Variants in DAAM1 observed in about 807,000 individuals in gnomAD.
DAAM1 encodes dishevelled associated activator of morphogenesis 1, also known as disheveled-associated activator of morphogenesis 1.
A neutral mutation model predicts 130.0 loss-of-function variants in DAAM1; 52 were observed. The observed-to-expected ratio is 0.40, with a 90% CI of 0.32 to 0.50. The LOEUF (loss-of-function observed/expected upper bound fraction) is 0.50, where lower values mean the gene tolerates loss of function less well. Ranked by LOEUF, DAAM1 falls within the 20% of genes least tolerant of loss-of-function variation. The pLI is 0.61. For missense variants in DAAM1, 1,134 were observed against 1,303.8 expected (o/e 0.87, Z 2.01); for synonymous variants, 452 against 444.5 (o/e 1.02, Z -0.21).
chr14:59,204,755 G>A (rs1358855376), intron 1 of DAAM1, among the ~76,000 whole-genome samples: 2 of 152,222 alleles, frequency 1.3e-5, no homozygotes, highest in African/African-American at 4.8e-5. Context: ...GAATGGGGCT[G>A]GTGCAATGGC....
rs1459487100 is a variant in DAAM1, at chr14:59,363,929, A to G, written c.2826+147A>G. 4.2e-6 allele frequency: 5 copies of G among 1,198,222 alleles called. No individual in the cohort carries two copies. In the African/African-American group the frequency reaches 7.6e-5, roughly 18 times the overall value. The allele number at this position is 1,198,222 out of a possible 1,614,324, so 74.2% of individuals were successfully genotyped here. A position where few individuals can be genotyped will look rare whatever the true frequency, so the allele number is the denominator to read the frequency against. ...ATAAAGTAGTAGATAATTACTTTCC[A>G]GATTCCATTGTTTTGCATGACATAG... is the stretch of plus-strand genomic sequence containing the variant. On this transcript the variant is annotated intron_variant, in intron 23 of 24. Coordinates refer to ENST00000360909, the MANE Select transcript of DAAM1 (RefSeq NM_001270520.2).
At chr14:59,275,591 T>C (rs1358501208) in intron 2 of DAAM1, among the ~76,000 whole-genome samples, 1 of 152,358 alleles carries the variant, frequency 6.6e-6, no homozygotes, top group Non-Finnish European at 1.5e-5. Flanking sequence ...TGATGCAGAC[T>C]ATTAAAACTT....
At chr14:59,302,192 G>C (rs1207715782) in intron 3 of DAAM1, among the ~76,000 whole-genome samples, 33 of 152,172 alleles carry the variant, frequency 2.2e-4, no homozygotes, top group Admixed American at 2.2e-3. Flanking sequence ...ACCCAAACTT[G>C]CATTTCTTTA....
At chr14:59,365,424 G>A (rs1886877537) in intron 23 of DAAM1, among the ~76,000 whole-genome samples, 1 of 152,052 alleles carries the variant, frequency 6.6e-6, no homozygotes, top group Admixed American at 6.6e-5. Context: ...ACTATATATG[G>A]CGTCTGAAGA....
At position 59,349,490 on chromosome 14, in the gene DAAM1, C is replaced by T. The variant is rs185669699; in HGVS notation, c.2160+1867C>T. 2.6e-5 allele frequency among the ~76,000 whole-genome samples: 4 copies of T among 152,358 alleles called. No homozygotes were observed. In the East Asian group the frequency reaches 5.8e-4, roughly 22 times the overall value. ...TGTGTGTGTCTTGCTCTCTGGTCAT[C>T]TCCCACGCTCTTTCTTTTCCTCCCC... On this transcript the variant is annotated intron_variant, in intron 17 of 24. Coordinates refer to ENST00000360909, the MANE Select transcript of DAAM1 (RefSeq NM_001270520.2).
At chr14:59,227,214 G>GC (rs5809021) in intron 1 of DAAM1, among the ~76,000 whole-genome samples, 94,242 of 152,006 alleles carry the variant, frequency 0.62, 30,101 homozygotes, top group Non-Finnish European at 0.7. Context: ...AAAGTGACTT[G>GC]TGTACAGAAA....
chr14:59,255,690 C>T (rs1028929095), intron 1 of DAAM1, among the ~76,000 whole-genome samples: 7 of 152,128 alleles, frequency 4.6e-5, no homozygotes, highest in African/African-American at 1.7e-4. Context: ...GCTCTTATTG[C>T]ATAACTCTGT....
At chr14:59,264,105 TCCTG>T (rs1882319501) in intron 2 of DAAM1, 4 of 200,936 alleles carry the variant, frequency 2.0e-5, no homozygotes, top group Non-Finnish European at 4.1e-5. Context: ...ATACTTTCCA[TCCTG>T]TCATTGATCC....
chr14:59,225,149 TC>T (rs1240200499), intron 1 of DAAM1, among the ~76,000 whole-genome samples: 2 of 146,378 alleles, frequency 1.4e-5, no homozygotes, highest in African/African-American at 5.0e-5. Context: ...TGCCTCAGCC[TC>T]CCGAGTAGCT....
chr14:59,269,161 A>G (rs1404945697), intron 2 of DAAM1, among the ~76,000 whole-genome samples: 2 of 152,240 alleles, frequency 1.3e-5, no homozygotes, highest in African/African-American at 2.4e-5. Flanking sequence ...GGTCTAGCAG[A>G]AAAGACAGGC....
intron 20 of DAAM1, among the ~76,000 whole-genome samples, chr14:59,355,824 C>T (rs766710197): frequency 2.6e-5 from 4 of 152,068 alleles, no homozygotes; most frequent in African/African-American, 4.8e-5. Flanking sequence ...AGAAAAAAAC[C>T]GATAGTTGGT....
chr14:59,352,663 T>G (rs1886331979), intron 18 of DAAM1, 31 bp downstream of exon 18: 1 of 1,566,532 alleles, frequency 6.4e-7, no homozygotes, highest in Non-Finnish European at 8.8e-7. Flanking sequence ...AATGTGAAGA[T>G]GTCACTTCCC....
intron 11 of DAAM1, 87 bp downstream of exon 11, chr14:59,326,735 G>C: frequency 6.4e-7 from 1 of 1,563,980 alleles, no homozygotes; most frequent in Non-Finnish European, 8.7e-7. Flanking sequence ...ACAGCTGGGA[G>C]AGCTGAAATG....
Position 59,331,293 on chromosome 14 carries a change from C to T in DAAM1, c.1645C>T (p.Leu549Phe), listed in dbSNP as rs1416356732. ...TCCTTCCTCTGTGCCTGGATCTCTC[C>T]TTCCTCCCCCACCACCCCCACCTCT... ...PFPSSVPGSL[L>F]PPPPPPPLPG... The change falls in exon 14 of 25, where the codon CTT becomes TTT. Residue 549 changes from leucine (L) to phenylalanine (F), a missense_variant. By Grantham distance (22) the Leu-to-Phe change is conservative. Around this residue, in one of 3 missense-constraint regions of DAAM1, gnomAD observed 644 missense variants for 695.9 expected, o/e 0.93. Transcript: ENST00000360909. The T allele has an allele frequency of 1.9e-6, 3 of 1,612,560 alleles. No homozygotes were observed. Among genetic ancestry groups the T allele is most frequent in the Non-Finnish European group, 2.5e-6 (3 of 1,179,972 alleles).
At chr14:59,284,486 A>C (rs1883357734) in intron 2 of DAAM1, among the ~76,000 whole-genome samples, 1 of 152,166 alleles carries the variant, frequency 6.6e-6, no homozygotes, top group East Asian at 1.9e-4. Flanking sequence ...GAAATGGCTA[A>C]AATGTCAGAT....
At chr14:59,364,945 T>C (rs1473266967) in intron 23 of DAAM1, among the ~76,000 whole-genome samples, 1 of 152,224 alleles carries the variant, frequency 6.6e-6, no homozygotes, top group Admixed American at 6.5e-5. Flanking sequence ...GTTTTATGTA[T>C]GCCTCACCAC....
At chr14:59,259,728 C>T (rs542685970) in intron 1 of DAAM1, among the ~76,000 whole-genome samples, 3 of 152,338 alleles carry the variant, frequency 2.0e-5, no homozygotes, top group African/African-American at 7.2e-5. Context: ...AGCGCTGCTG[C>T]TGCCTACCTG....
At chr14:59,367,326 C>T in intron 23 of DAAM1, 103 bp from the exon 24 acceptor site, 1 of 1,473,194 alleles carries the variant, frequency 6.8e-7, no homozygotes. Flanking sequence ...GCAAACAAAA[C>T]TTACGTTTGA....
chr14:59,218,236 C>T (rs531355308), intron 1 of DAAM1, among the ~76,000 whole-genome samples: 6 of 152,316 alleles, frequency 3.9e-5, no homozygotes, highest in African/African-American at 1.4e-4. Flanking sequence ...GTAGATGGTG[C>T]AGGGATAAAA....
Sources: gnomAD v4.1 joint callset for allele counts (sites outside exome capture counted in the v4.1 genomes callset) on GRCh38, gnomAD v4.1.1 for gene constraint, gnomAD v4.1.1 regional missense constraint, MANE v1.5 for transcripts, NCBI Gene and HGNC (gene_info 2026-07-23, HGNC 2026-07-21) for gene names.